MAGI2: variants seen among roughly 807,000 people sequenced by gnomAD.
MAGI2 encodes the protein membrane-associated guanylate kinase, WW and PDZ domain-containing protein 2.
A neutral mutation model predicts 133.3 loss-of-function variants in MAGI2; 35 were observed. The observed-to-expected ratio is 0.26, with a 90% CI of 0.20 to 0.35. The LOEUF is 0.35. Among genes scored for constraint, MAGI2 ranks in the 10% least tolerant of loss-of-function variants. The pLI is 1.00. For missense variants in MAGI2, 1,636 were observed against 1,863.4 expected, an observed-to-expected ratio of 0.88 and a Z score of 2.25; for synonymous variants, 729 against 710.6, an observed-to-expected ratio of 1.03 and a Z score of -0.41.
chr7:79,001,770 C>A (rs1454274448), intron 2 of MAGI2, among the ~76,000 whole-genome samples: 1 of 152,082 alleles, frequency 6.6e-6, no homozygotes, highest in African/African-American at 2.4e-5. Context: ...ATTTTCGAAT[C>A]CATATTACCC....
intron 2 of MAGI2, among the ~76,000 whole-genome samples, chr7:78,820,731 A>G (rs1790022906): frequency 6.6e-6 from 1 of 151,980 alleles, no homozygotes; most frequent in South Asian, 2.1e-4. Context: ...GTTTTCAATG[A>G]TGAATAGGTC....
At chr7:78,396,922 C>G (rs551368007) in intron 6 of MAGI2, among the ~76,000 whole-genome samples, 1 of 151,994 alleles carries the variant, frequency 6.6e-6, no homozygotes, top group Non-Finnish European at 1.5e-5. Flanking sequence ...CTAAATAAAT[C>G]ATGCATATTT....
At chr7:78,118,610 T>C (rs1424043667) in intron 20 of MAGI2, among the ~76,000 whole-genome samples, 2 of 152,178 alleles carry the variant, frequency 1.3e-5, no homozygotes, top group Non-Finnish European at 2.9e-5. Context: ...ATGCTCCACA[T>C]CATATGCCAT....
intron 2 of MAGI2, among the ~76,000 whole-genome samples, chr7:78,933,898 G>A (rs1396166855): frequency 6.6e-6 from 1 of 152,010 alleles, no homozygotes; most frequent in African/African-American, 2.4e-5. Flanking sequence ...CATCCCTAGA[G>A]GACAAATCCC....
intron 1 of MAGI2, among the ~76,000 whole-genome samples, chr7:79,235,082 G>A (rs1831770490): frequency 6.6e-6 from 1 of 151,728 alleles, no homozygotes; most frequent in Admixed American, 6.6e-5. Context: ...CCCTGCTGGG[G>A]GGTGCCTCCC....
In MAGI2 at chr7:78,550,790, C is replaced by T. The variant is rs1169504885; in HGVS notation, c.539-29145G>A. Among the ~76,000 whole-genome samples the T allele has an allele frequency of 4.6e-5, 7 of 151,088 alleles. No individual in the cohort carries two copies. In the East Asian group the frequency reaches 1.4e-3, roughly 29 times the overall value. On this transcript the variant is annotated intron_variant, in intron 3 of 21. Transcript: ENST00000354212. The stretch of plus-strand genomic sequence containing the variant: ...TTTTTAACTCATGAACATTGTGACT[C>T]TTATAGCTAATCATCCTTTCTTAAT...
intron 3 of MAGI2, among the ~76,000 whole-genome samples, chr7:78,570,932 A>G (rs186306902): frequency 1.3e-5 from 2 of 151,948 alleles, no homozygotes; most frequent in East Asian, 3.9e-4. Flanking sequence ...TTCAATATTG[A>G]TCTCTTCTTT....
At chr7:78,032,282 T>G (rs117140185) in intron 21 of MAGI2, among the ~76,000 whole-genome samples, 1,814 of 152,252 alleles carry the variant, frequency 0.012, 31 homozygotes, top group East Asian at 0.079. Flanking sequence ...TGGCACAATT[T>G]CCACTCACTG....
chr7:78,066,996 A>AC (rs1322704635), intron 21 of MAGI2, among the ~76,000 whole-genome samples: 1 of 152,234 alleles, frequency 6.6e-6, no homozygotes, highest in African/African-American at 2.4e-5. Context: ...GGGTTTTGCC[A>AC]CATGGGGTGT....
intron 1 of MAGI2, among the ~76,000 whole-genome samples, chr7:79,372,017 C>A (rs999782515): frequency 6.6e-6 from 1 of 152,124 alleles, no homozygotes; most frequent in Admixed American, 6.6e-5. Context: ...TACAGAGCAA[C>A]CCTACGAGGT....
In MAGI2 at chr7:78,655,565, G is replaced by A. The variant is rs539338769; in HGVS notation, c.419-28326C>T. 3.2e-3 allele frequency among the ~76,000 whole-genome samples: 482 copies of A among 150,306 alleles called. 1 individual carries two copies. Among genetic ancestry groups the A allele is most frequent in the Non-Finnish European group, 5.3e-3 (355 of 67,546 alleles). On this transcript the variant is annotated intron_variant, in intron 2 of 21. Coordinates refer to ENST00000354212, the MANE Select transcript of MAGI2 (RefSeq NM_012301.4). ...AAATGTCTCTCATATCCTTCAGGGC[G>A]GCATCACCAGAAGGGAATGAGCAGT...
chr7:79,296,000 G>A (rs1836899963), intron 1 of MAGI2, among the ~76,000 whole-genome samples: 1 of 152,116 alleles, frequency 6.6e-6, no homozygotes, highest in African/African-American at 2.4e-5. Flanking sequence ...AACAAGAAAA[G>A]TGAAACTATT....
intron 5 of MAGI2, among the ~76,000 whole-genome samples, chr7:78,491,871 T>TTGTGTGTGTG (rs10598552): frequency 2.8e-4 from 39 of 141,200 alleles, no homozygotes; most frequent in Non-Finnish European, 3.9e-4. Context: ...TCCGTTCAAA[T>TTGTGTGTGTG]TGTGTGTGTG....
chr7:79,286,582 T>C (rs1468495551), intron 1 of MAGI2, among the ~76,000 whole-genome samples: 2 of 107,302 alleles, frequency 1.9e-5, no homozygotes, highest in African/African-American at 2.9e-5. Context: ...AATAGGAAGA[T>C]GTTGGAGCTC....
At chr7:79,148,577 T>A (rs1822873291) in intron 1 of MAGI2, among the ~76,000 whole-genome samples, 1 of 152,120 alleles carries the variant, frequency 6.6e-6, no homozygotes, top group Non-Finnish European at 1.5e-5. Flanking sequence ...TTCTAACTGG[T>A]TCTTTATTGG....
chr7:78,314,860 C>T lies in MAGI2; in HGVS notation c.1408+28918G>A, dbSNP rs760220165. 1.4e-3 allele frequency among the ~76,000 whole-genome samples: 212 copies of T among 152,198 alleles called. 1 individual carries two copies. Among genetic ancestry groups the T allele is most frequent in the Non-Finnish European group, 2.5e-3 (170 of 67,996 alleles). ...TTGGCACTTGTGTTTTGACTCTATT[C>T]GATTGTATTCAATTGATTGTGGTTG... On this transcript the variant is annotated intron_variant, in intron 9 of 21. Coordinates refer to ENST00000354212, the MANE Select transcript of MAGI2 (RefSeq NM_012301.4).
chr7:78,039,138 T>G (rs557621392), intron 21 of MAGI2, among the ~76,000 whole-genome samples: 1 of 152,316 alleles, frequency 6.6e-6, no homozygotes, highest in Non-Finnish European at 1.5e-5. Context: ...GTTCAGACAC[T>G]GCAGCCAAGT....
chr7:78,386,992 C>T (rs1178300399), intron 6 of MAGI2, among the ~76,000 whole-genome samples: 1 of 152,160 alleles, frequency 6.6e-6, no homozygotes, highest in Non-Finnish European at 1.5e-5. Flanking sequence ...TAAATTTGGT[C>T]TCAGATTCTT....
At chr7:78,645,519 A>G (rs1810780865) in intron 2 of MAGI2, among the ~76,000 whole-genome samples, 1 of 152,152 alleles carries the variant, frequency 6.6e-6, no homozygotes, top group South Asian at 2.1e-4. Context: ...ATCAATCAAT[A>G]TAATTCACCA....
Sources: allele counts gnomAD v4.1 joint callset (sites outside exome capture counted in the v4.1 genomes callset), GRCh38; gene constraint gnomAD v4.1.1; transcripts MANE v1.5; gene names NCBI Gene and HGNC (gene_info 2026-07-23, HGNC 2026-07-21).